Variants in PDE4D observed in about 807,000 individuals in gnomAD.
PDE4D encodes the protein 3',5'-cyclic-AMP phosphodiesterase 4D.
Under a neutral mutation model 87.4 loss-of-function variants are expected in PDE4D, and 24 were observed. That is an observed-to-expected ratio of 0.27 (90% CI 0.20 to 0.39). PDE4D has a LOEUF of 0.39. Among genes scored for constraint, PDE4D ranks in the 10% least tolerant of loss-of-function variants. The pLI is 1.00. For missense variants in PDE4D, 714 were observed against 1,041.0 expected, an observed-to-expected ratio of 0.69 and a Z score of 4.32; for synonymous variants, 384 against 383.2, an observed-to-expected ratio of 1.00 and a Z score of -0.02.
At chr5:60,301,747 T>C (rs528448808) in intron 1 of PDE4D, among the ~76,000 whole-genome samples, 2 of 152,292 alleles carry the variant, frequency 1.3e-5, no homozygotes, top group African/African-American at 4.8e-5. Context: ...CTATGTTGAA[T>C]AGGAGTGGTG....
intron 6 of PDE4D, among the ~76,000 whole-genome samples, chr5:59,030,422 C>CAAAA (rs373275661): frequency 2.8e-3 from 162 of 58,252 alleles, no homozygotes; most frequent in African/African-American, 4.9e-3. Flanking sequence ...AACAGAGATA[C>CAAAA]AAAAAAAAAA....
chr5:59,714,128 A>T (rs1456800902), intron 1 of PDE4D, among the ~76,000 whole-genome samples: 2 of 152,174 alleles, frequency 1.3e-5, no homozygotes, highest in Non-Finnish European at 2.9e-5. Flanking sequence ...GAGCCTCCCC[A>T]TCATGGAAGA....
chr5:60,122,789 C>T (rs1004223764), intron 2 of PDE4D, among the ~76,000 whole-genome samples: 1 of 152,224 alleles, frequency 6.6e-6, no homozygotes, highest in African/African-American at 2.4e-5. Context: ...AATTTCTCCT[C>T]AGAAAATAGG....
At chr5:59,873,219 G>A (rs770139000) in intron 1 of PDE4D, among the ~76,000 whole-genome samples, 1 of 152,206 alleles carries the variant, frequency 6.6e-6, no homozygotes, top group Non-Finnish European at 1.5e-5. Flanking sequence ...CAGAGATCAA[G>A]AGAACATTCT....
chr5:59,209,967 G>A (rs2153502529), intron 2 of PDE4D, among the ~76,000 whole-genome samples: 1 of 152,276 alleles, frequency 6.6e-6, no homozygotes, highest in African/African-American at 2.4e-5. Flanking sequence ...GTTGCCTCAG[G>A]ACACATTTTG....
chr5:60,243,864 A>G (rs548831364), intron 1 of PDE4D, among the ~76,000 whole-genome samples: 1 of 152,072 alleles, frequency 6.6e-6, no homozygotes, highest in East Asian at 1.9e-4. Flanking sequence ...AGGAAGAAAC[A>G]CTGAAAGCCT....
intron 5 of PDE4D, chr5:59,039,322 C>T (rs1434181538): frequency 1.9e-6 from 2 of 1,034,984 alleles, no homozygotes; most frequent in African/African-American, 1.7e-5. Flanking sequence ...TCCAGGAGCC[C>T]GGCTCTAGCG....
chr5:60,264,176 A>C (rs1217463594), intron 1 of PDE4D, among the ~76,000 whole-genome samples: 2 of 152,172 alleles, frequency 1.3e-5, no homozygotes, highest in African/African-American at 4.8e-5. Context: ...GGAATGCACA[A>C]AATATGAAGC....
intron 3 of PDE4D, among the ~76,000 whole-genome samples, chr5:59,933,792 T>TA (rs1554116686): frequency 0.54 from 53,101 of 99,052 alleles, 11,179 homozygotes; most frequent in East Asian, 0.79. Context: ...ATATATATAT[T>TA]AATAAGCATT....
chr5:60,497,738 A>G (rs775568337), intron 1 of PDE4D, among the ~76,000 whole-genome samples: 22 of 152,098 alleles, frequency 1.4e-4, no homozygotes, highest in Non-Finnish European at 2.6e-4. Context: ...AATTAGTCCT[A>G]TCCTCTTTCT....
intron 2 of PDE4D, among the ~76,000 whole-genome samples, chr5:59,213,937 G>A (rs1036172459): frequency 4.6e-5 from 7 of 150,830 alleles, no homozygotes; most frequent in Non-Finnish European, 7.4e-5. Flanking sequence ...CACCATGTAC[G>A]TACATCACCA....
chr5:59,283,264 C>T (rs1307595781), intron 1 of PDE4D, among the ~76,000 whole-genome samples: 1 of 152,094 alleles, frequency 6.6e-6, no homozygotes, highest in Non-Finnish European at 1.5e-5. Flanking sequence ...TATGTTACTG[C>T]ACTAGTATTT....
At chr5:59,240,636 T>C (rs1454224296) in intron 1 of PDE4D, among the ~76,000 whole-genome samples, 2 of 152,296 alleles carry the variant, frequency 1.3e-5, no homozygotes, top group Middle Eastern at 6.8e-3. Context: ...CTCTGGACTC[T>C]GGAGAACATT....
rs569962833 is a variant in PDE4D, at chr5:59,032,557, G to A, written c.921+6302C>T. Among the ~76,000 whole-genome samples the A allele has an allele frequency of 3.1e-3, 478 of 152,248 alleles. 9 individuals are homozygous for A. Among genetic ancestry groups the A allele is most frequent in the Non-Finnish European group, 1.2e-3 (85 of 68,016 alleles). Reference sequence around the variant, plus strand: ...TCGTATCACTGTACTCCAGCCTGGCGACAGAGCGAGACTCTGTCTCAAAAA... The same window carrying A: ...TCGTATCACTGTACTCCAGCCTGGCAACAGAGCGAGACTCTGTCTCAAAAA... On this transcript the variant is annotated intron_variant, in intron 6 of 14. Coordinates refer to ENST00000340635, the MANE Select transcript of PDE4D (RefSeq NM_001104631.2).
At chr5:59,662,005 C>T (rs17440909) in intron 1 of PDE4D, among the ~76,000 whole-genome samples, 28,097 of 152,096 alleles carry the variant, frequency 0.18, 3,182 homozygotes, top group South Asian at 0.26. Context: ...TCTGGTTAGC[C>T]ACAAACTTGC....
At chr5:59,750,010 T>G (rs1292056531) in intron 1 of PDE4D, among the ~76,000 whole-genome samples, 1 of 152,122 alleles carries the variant, frequency 6.6e-6, no homozygotes, top group African/African-American at 2.4e-5. Flanking sequence ...TTGATTCTTC[T>G]TTCTCACTCT....
chr5:59,688,631 T>C (rs1239546341), intron 1 of PDE4D, among the ~76,000 whole-genome samples: 2 of 152,126 alleles, frequency 1.3e-5, no homozygotes, highest in African/African-American at 2.4e-5. Context: ...AGATCTAAAA[T>C]TGACACCCTA....
At chr5:59,317,221 G>A (rs1773914081) in intron 1 of PDE4D, among the ~76,000 whole-genome samples, 1 of 152,166 alleles carries the variant, frequency 6.6e-6, no homozygotes, top group Non-Finnish European at 1.5e-5. Flanking sequence ...GGCAAGAAGG[G>A]AAAACCCCAG....
At position 59,005,429 on chromosome 5, in the gene PDE4D, A is replaced by G. The variant is rs183284051; in HGVS notation, c.922-11964T>C. 9.7e-4 allele frequency among the ~76,000 whole-genome samples: 148 copies of G among 152,324 alleles called. 2 individuals are homozygous for G. Among genetic ancestry groups the G allele is most frequent in the African/African-American group, 3.2e-3 (134 of 41,578 alleles). On this transcript the variant is annotated intron_variant, in intron 6 of 14. Transcript: ENST00000340635. ...TTTCCATATTTCTAGGGAATAAGAA[A>G]TCTTTTCAAAAATCTCTGAGCCAAA...
Sources: allele counts gnomAD v4.1 joint callset (sites outside exome capture counted in the v4.1 genomes callset), GRCh38; gene constraint gnomAD v4.1.1; transcripts MANE v1.5; gene names NCBI Gene and HGNC (gene_info 2026-07-23, HGNC 2026-07-21).